Variants in VPS13B observed in about 807,000 individuals in gnomAD.
VPS13B encodes the protein vacuolar protein sorting 13 homolog B, also known as intermembrane lipid transfer protein VPS13B.
In VPS13B, 285 loss-of-function variants were observed where a neutral mutation model predicts 426.4. That is an observed-to-expected ratio of 0.67 (90% CI 0.61 to 0.74). The LOEUF (loss-of-function observed/expected upper bound fraction) is 0.74. Ranked by LOEUF, VPS13B falls within the 30% of genes least tolerant of loss-of-function variation. The pLI, the probability that VPS13B is intolerant of heterozygous loss-of-function variation, is 0.00. For missense variants in VPS13B, 4,537 were observed against 4,782.6 expected (o/e 0.95, Z 1.51); for synonymous variants, 1,676 against 1,676.4 (o/e 1.00, Z 0.01).
chr8:99,384,151 A>G, intron 19 of VPS13B, 57 bp from the exon 20 acceptor site: 1 of 1,393,318 alleles, frequency 7.2e-7, no homozygotes, highest in Non-Finnish European at 1.0e-6. Flanking sequence ...AAAGTGACAA[A>G]TAGCTTATTG....
chr8:99,232,908 C>G, intron 17 of VPS13B: 2 of 578,196 alleles, frequency 3.5e-6, no homozygotes, highest in South Asian at 2.4e-5. Context: ...TCTGCAGAGT[C>G]CCTGGCCGCC....
At chr8:99,449,751 T>C (rs550928246) in intron 23 of VPS13B, among the ~76,000 whole-genome samples, 1 of 152,280 alleles carries the variant, frequency 6.6e-6, no homozygotes, top group African/African-American at 2.4e-5. Context: ...GACTAAAAAC[T>C]ATAAGGTTTC....
chr8:99,195,760 A>G (rs1227740611), intron 17 of VPS13B, among the ~76,000 whole-genome samples: 1 of 152,178 alleles, frequency 6.6e-6, no homozygotes, highest in East Asian at 1.9e-4. Flanking sequence ...TAAAGATTCA[A>G]TCTCATTGTT....
intron 33 of VPS13B, among the ~76,000 whole-genome samples, chr8:99,594,096 C>A (rs1293468562): frequency 6.6e-6 from 1 of 151,560 alleles, no homozygotes; most frequent in Non-Finnish European, 1.5e-5. Context: ...AAAAAAAATG[C>A]TTTTCTTTTG....
At chr8:99,562,786 G>T (rs576513450) in intron 31 of VPS13B, among the ~76,000 whole-genome samples, 1 of 152,196 alleles carries the variant, frequency 6.6e-6, no homozygotes, top group African/African-American at 2.4e-5. Flanking sequence ...ATTTACTAAA[G>T]ATACTAGTCT....
Position 99,641,838 on chromosome 8 carries a change from G to A in VPS13B, c.5248G>A (p.Asp1750Asn), listed in dbSNP as rs1241714095. ...CTCTAAACAAGAACAGAAAAAAGTG[G>A]ATATATTTGATGGAGGCATGGCTGA... ...EISKQEQKKV[D>N]IFDGGMAETS... The change falls in exon 34 of 62, where the codon GAT (aspartate) becomes AAT (asparagine). Residue 1750 changes from aspartate (D) to asparagine (N), a missense_variant. By Grantham distance (23) the Asp-to-Asn change is conservative (BLOSUM62 1). Coordinates refer to ENST00000357162, the MANE Select transcript of VPS13B (RefSeq NM_152564.5). 4 of 1,612,382 alleles carry A rather than the reference G, an allele frequency of 2.5e-6. No individual in the cohort carries two copies. Among genetic ancestry groups the A allele is most frequent in the Middle Eastern group, 1.7e-4 (1 of 6,056 alleles).
rs193131751 is a variant in VPS13B at position 99,760,279 on chromosome 8, G to A, written c.7051-6495G>A. On this transcript the variant is annotated intron_variant, in intron 39 of 61. Transcript: ENST00000357162. ...ATTACAGGCATGAGCCACTATGCCC[G>A]GCCACTTGCCTCTTTTTATTCCGTT... Among the ~76,000 whole-genome samples the A allele has an allele frequency of 9.2e-5, 14 of 152,182 alleles. No individual in the cohort carries two copies. The East Asian group carries it at 2.3e-3, about 25-fold the overall frequency.
At chr8:99,151,636 C>A (rs544865192) in intron 14 of VPS13B, among the ~76,000 whole-genome samples, 1 of 151,918 alleles carries the variant, frequency 6.6e-6, no homozygotes, top group African/African-American at 2.4e-5. Flanking sequence ...CGGGTTCAAG[C>A]GATTCTCCTT....
In VPS13B at chr8:99,875,597, T is replaced by C. The variant is rs896542627; in HGVS notation, c.11925T>C (p.His3975=). The change falls in exon 62 of 62, where the codon CAT becomes CAC. Residue 3975 remains histidine, a synonymous_variant. Transcript: ENST00000357162. ...CATACCATTACCTGGTTGATCCACA[T>C]TTTGCTCAGGTCTTCCTTAGTAAAT... ...VKTYHYLVDP[H]FAQVFLSKFT... is the part of the protein sequence containing the mutation. 1 of 1,614,172 alleles carries C rather than the reference T, an allele frequency of 6.2e-7. No individual in the cohort carries two copies. Among genetic ancestry groups the C allele is most frequent in the Non-Finnish European group, 8.5e-7 (1 of 1,180,020 alleles).
intron 15 of VPS13B, among the ~76,000 whole-genome samples, chr8:99,156,988 CTT>C (rs1192049386): frequency 2.6e-5 from 4 of 151,958 alleles, no homozygotes; most frequent in African/African-American, 7.3e-5. Context: ...TTAATCATAA[CTT>C]TTGAATAATT....
intron 19 of VPS13B, among the ~76,000 whole-genome samples, chr8:99,367,646 A>G (rs947614129): frequency 1.3e-5 from 2 of 152,060 alleles, no homozygotes; most frequent in Non-Finnish European, 2.9e-5. Context: ...GACCTTTTGA[A>G]TTTATTTTCT....
intron 17 of VPS13B, among the ~76,000 whole-genome samples, chr8:99,208,753 C>T (rs1405118162): frequency 6.6e-6 from 1 of 152,162 alleles, no homozygotes; most frequent in Non-Finnish European, 1.5e-5. Context: ...AATTTTAAAA[C>T]AGTCCTTTAC....
At chr8:99,350,814 A>G (rs1473049262) in intron 19 of VPS13B, among the ~76,000 whole-genome samples, 1 of 151,520 alleles carries the variant, frequency 6.6e-6, no homozygotes, top group Non-Finnish European at 1.5e-5. Context: ...ATAATATGCA[A>G]TATGAATTAT....
At chr8:99,493,684 C>T (rs544416778) in intron 25 of VPS13B, among the ~76,000 whole-genome samples, 1 of 148,332 alleles carries the variant, frequency 6.7e-6, no homozygotes, top group African/African-American at 2.5e-5. Context: ...CGGGAGGCTG[C>T]AACAGGAGAA....
intron 36 of VPS13B, among the ~76,000 whole-genome samples, chr8:99,713,193 T>C (rs930617660): frequency 6.6e-6 from 1 of 152,242 alleles, no homozygotes; most frequent in Non-Finnish European, 1.5e-5. Flanking sequence ...TACTCTTTTT[T>C]AAATGAAAGC....
At chr8:99,675,934 T>C (rs556841236) in intron 35 of VPS13B, among the ~76,000 whole-genome samples, 5 of 152,276 alleles carry the variant, frequency 3.3e-5, no homozygotes, top group African/African-American at 9.6e-5. Context: ...AAGCAGTTCA[T>C]ATATCTCTAT....
chr8:99,278,606 A>G (rs370412503), intron 19 of VPS13B, among the ~76,000 whole-genome samples: 1 of 152,198 alleles, frequency 6.6e-6, no homozygotes, highest in Non-Finnish European at 1.5e-5. Context: ...ACTTCTAACT[A>G]TACAACATTT....
intron 17 of VPS13B, chr8:99,233,252 T>G: frequency 8.2e-7 from 1 of 1,216,706 alleles, no homozygotes; most frequent in Non-Finnish European, 1.2e-6. Flanking sequence ...TGCAGTTCAT[T>G]CACAGTCTTG....
At chr8:99,337,253 T>C (rs1008020097) in intron 19 of VPS13B, among the ~76,000 whole-genome samples, 5 of 150,620 alleles carry the variant, frequency 3.3e-5, no homozygotes, top group African/African-American at 1.2e-4. Context: ...CTCAGTGAAG[T>C]ATCACAAGAA....
Sources: allele counts gnomAD v4.1 joint callset (sites outside exome capture counted in the v4.1 genomes callset), GRCh38; gene constraint gnomAD v4.1.1; transcripts MANE v1.5; gene names NCBI Gene and HGNC (gene_info 2026-07-23, HGNC 2026-07-21).